NOL8: variants seen among roughly 807,000 people sequenced by gnomAD.
The protein encoded by NOL8 is nucleolar protein Nop132.
In NOL8, 93 loss-of-function variants were observed where a neutral mutation model predicts 116.1. That is an observed-to-expected ratio of 0.80 (90% CI 0.68 to 0.95). NOL8 has a LOEUF of 0.95. Ranked by LOEUF, NOL8 falls within the 40% of genes least tolerant of loss-of-function variation. NOL8 has a pLI of 0.00. For synonymous variants in NOL8, 419 were observed against 469.0 expected, an observed-to-expected ratio of 0.89 and a Z score of 1.38; for missense variants, 1,291 against 1,382.8, an observed-to-expected ratio of 0.93 and a Z score of 1.05.
In NOL8 at chr9:92,316,421, G is replaced by A. The variant is rs148423656; in HGVS notation, c.487-283C>T. 8.5e-5 allele frequency among the ~76,000 whole-genome samples: 13 copies of A among 152,234 alleles called. No individual in the cohort carries two copies. In the East Asian group the frequency reaches 2.5e-3, roughly 29 times the overall value. On this transcript the variant is annotated intron_variant, in intron 6 of 16. Coordinates refer to ENST00000442668, the MANE Select transcript of NOL8 (RefSeq NM_017948.6). ...CAAACCTATTCAGATTATATTATAG[G>A]TACACAGGTCTCAGGGCTATTTTCT... is the stretch of plus-strand genomic sequence containing the variant.
In NOL8 at chr9:92,314,923, G is replaced by A; in HGVS notation, c.1702C>T (p.Pro568Ser). 6.2e-7 allele frequency: 1 copy of A among 1,613,692 alleles called. No individual in the cohort carries two copies. The highest frequency in any genetic ancestry group is 1.1e-5 in the South Asian group (1 of 91,080). The change falls in exon 7 of 17, where the codon CCA (proline) becomes TCA (serine). Residue 568 changes from proline (P) to serine (S), a missense_variant. Transcript: ENST00000442668. Reference sequence around the variant, plus strand: ...ACTCCCTTGAAAGCCTGAAATTTTGGCTTTAAATTGTTTTCCTTTGGTTTC... The same window carrying A: ...ACTCCCTTGAAAGCCTGAAATTTTGACTTTAAATTGTTTTCCTTTGGTTTC... Reference protein sequence around the residue: ...KQKPKENNLKPKFQAFKGVGC... With the variant: ...KQKPKENNLKSKFQAFKGVGC...
intron 6 of NOL8, among the ~76,000 whole-genome samples, chr9:92,317,363 A>C (rs961832073): frequency 1.3e-5 from 2 of 152,212 alleles, no homozygotes; most frequent in African/African-American, 2.4e-5. Flanking sequence ...CTGTCCTTCA[A>C]TATCTTCCTC....
chr9:92,312,663 CCA>C (rs1169556996), intron 7 of NOL8, among the ~76,000 whole-genome samples: 1 of 149,056 alleles, frequency 6.7e-6, no homozygotes, highest in Non-Finnish European at 1.5e-5. Flanking sequence ...CCCATCTCTA[CCA>C]CAAATATAAA....
At chr9:92,318,852 A>C in intron 5 of NOL8, 166 bp from the exon 6 acceptor site, 2 of 562,736 alleles carry the variant, frequency 3.6e-6, no homozygotes, top group Non-Finnish European at 6.1e-6. Context: ...TTGTGAGAGG[A>C]AAGAAAAAAA....
Position 92,297,883 on chromosome 9 carries a change from A to G in NOL8, c.3457T>C (p.Cys1153Arg). The change falls in exon 17 of 17, where the codon TGT becomes CGT. Residue 1153 changes from cysteine (C) to arginine (R), a missense_variant. Coordinates refer to ENST00000442668, the MANE Select transcript of NOL8 (RefSeq NM_017948.6). ...EARTTNLRMD[C>R]RKKHKDAKRK... Reference sequence around the variant, plus strand: ...TTTGCGTCTTTATGTTTCTTTCGACAATCCTAGGAAAAAAAAAAGACTTGG... The same window carrying G: ...TTTGCGTCTTTATGTTTCTTTCGACGATCCTAGGAAAAAAAAAAGACTTGG... 1 of 1,543,142 alleles carries G rather than the reference A, an allele frequency of 6.5e-7. No homozygotes were observed.
At chr9:92,323,998 T>C (rs752294747) in intron 2 of NOL8, 25 bp downstream of exon 2, 3 of 1,612,488 alleles carry the variant, frequency 1.9e-6, no homozygotes, top group South Asian at 2.2e-5. Context: ...TGCCTATAAC[T>C]GCCCAGTGAA....
At chr9:92,298,688 A>T (rs1006110718) in intron 15 of NOL8, 196 bp downstream of exon 15, 3 of 474,348 alleles carry the variant, frequency 6.3e-6, no homozygotes, top group Non-Finnish European at 1.1e-5. Flanking sequence ...TTTGTTGATG[A>T]GAATGAGCGG....
chr9:92,304,633 T>C (rs1262882311), intron 12 of NOL8, among the ~76,000 whole-genome samples: 1 of 152,234 alleles, frequency 6.6e-6, no homozygotes, highest in African/African-American at 2.4e-5. Flanking sequence ...TACTTTAGTC[T>C]AAAATGTGAT....
At chr9:92,324,537 CATTT>C (rs564742256) in intron 1 of NOL8, 307 of 157,662 alleles carry the variant, frequency 1.9e-3, no homozygotes, top group African/African-American at 7.0e-3. Flanking sequence ...CTCATACATT[CATTT>C]ACTGTCTTTA....
chr9:92,306,025 G>A (rs1838224116), intron 11 of NOL8, among the ~76,000 whole-genome samples, 195 bp from the exon 12 acceptor site: 1 of 152,152 alleles, frequency 6.6e-6, no homozygotes, highest in Non-Finnish European at 1.5e-5. Context: ...ACAGAGTCTC[G>A]CTGTGTTGCC....
Position 92,319,245 on chromosome 9 carries a change from TG to T in NOL8, c.392del (p.Pro131GlnfsTer13). Reference protein sequence around the residue: ...GGVDFHMKAVPGTEVPGHKNW... With the variant: ...GGVDFHMKAVXGTEVPGHKNW... The stretch of plus-strand genomic sequence containing the variant: ...CCTTATGCCCTGGCACTTCTGTCCC[TG>T]GCACAGCTTTCATATGGAAATCCAC... On this transcript the variant is annotated frameshift_variant, in exon 5 of 17. Coordinates refer to ENST00000442668, the MANE Select transcript of NOL8 (RefSeq NM_017948.6). LOFTEE classifies it high-confidence loss of function. 6.3e-7 allele frequency: 1 copy of T among 1,582,422 alleles called. No homozygotes were observed. Among genetic ancestry groups the T allele is most frequent in the South Asian group, 1.1e-5 (1 of 87,252 alleles).
chr9:92,311,339 A>G, intron 7 of NOL8, 80 bp from the exon 8 acceptor site: 1 of 945,798 alleles, frequency 1.1e-6, no homozygotes, highest in East Asian at 2.6e-5. Context: ...AAAATCCAAA[A>G]TTGACAAGTG....
intron 5 of NOL8, 101 bp downstream of exon 5, chr9:92,319,120 G>A: frequency 7.6e-7 from 1 of 1,317,442 alleles, no homozygotes; most frequent in Non-Finnish European, 1.0e-6. Flanking sequence ...CAAGAAAGGG[G>A]AAAAGAGTAA....
At chr9:92,304,553 C>T (rs1838057309) in intron 12 of NOL8, among the ~76,000 whole-genome samples, 1 of 152,052 alleles carries the variant, frequency 6.6e-6, no homozygotes, top group African/African-American at 2.4e-5. Context: ...GTAAACATAT[C>T]CTATTTGTTC....
At chr9:92,300,664 G>A in intron 13 of NOL8, 2 of 1,054,080 alleles carry the variant, frequency 1.9e-6, no homozygotes, top group Non-Finnish European at 2.3e-6. Context: ...AGTTTATATA[G>A]ACAAGAAAAT....
Position 92,310,250 on chromosome 9 carries a change from T to C in NOL8, c.2607A>G (p.Leu869=). ...EGRAGQKLMD[L]QSHFGTDDRF... ...TGTCATCGGTGCCAAAGTGCGACTGTAAATCCATGAGCTACACAGACAGAA... is the reference window on the plus strand; with the variant it reads ...TGTCATCGGTGCCAAAGTGCGACTGCAAATCCATGAGCTACACAGACAGAA... The change falls in exon 10 of 17, where the codon TTA becomes TTG. Residue 869 remains leucine (L), a synonymous_variant. Coordinates refer to ENST00000442668, the MANE Select transcript of NOL8 (RefSeq NM_017948.6). 6.2e-7 allele frequency: 1 copy of C among 1,607,558 alleles called. No individual in the cohort carries two copies. Among genetic ancestry groups the C allele is most frequent in the Non-Finnish European group, 8.5e-7 (1 of 1,176,908 alleles).
Position 92,314,329 on chromosome 9 carries a change from C to T in NOL8, c.2296G>A (p.Glu766Lys), listed in dbSNP as rs201662965. The stretch of plus-strand genomic sequence containing the variant: ...ACTTCTTTTGCTTTTTGCCTCGCTT[C>T]CAAGGCTGCCAAACGCTTCTCATTG... ...EDNEKRLAAL[E>K]ARQKAKEVQK... The change falls in exon 7 of 17, where the codon GAA (glutamate) becomes AAA (lysine). Residue 766 changes from glutamate (E) to lysine (K), a missense_variant. Coordinates refer to ENST00000442668, the MANE Select transcript of NOL8 (RefSeq NM_017948.6). The T allele has an allele frequency of 9.9e-5, 160 of 1,608,166 alleles. 1 individual carries two copies. The highest frequency in any genetic ancestry group is 1.3e-4 in the Non-Finnish European group (153 of 1,175,886).
At chr9:92,300,807 CTG>C in intron 13 of NOL8, 1 of 1,049,898 alleles carries the variant, frequency 9.5e-7, no homozygotes, top group African/African-American at 1.8e-5. Flanking sequence ...GACAGAGACT[CTG>C]TCTCCAAAAA....
intron 7 of NOL8, among the ~76,000 whole-genome samples, chr9:92,312,897 A>AAAT (rs1002958741): frequency 1.3e-5 from 2 of 151,736 alleles, no homozygotes; most frequent in African/African-American, 4.8e-5. Context: ...CTGGGTGACA[A>AAAT]AATAATCTGT....
Sources: allele counts gnomAD v4.1 joint callset (sites outside exome capture counted in the v4.1 genomes callset), GRCh38; gene constraint gnomAD v4.1.1; transcripts MANE v1.5; gene names NCBI Gene and HGNC (gene_info 2026-07-23, HGNC 2026-07-21).